ODAPH: variants seen among roughly 807,000 people sequenced by gnomAD.
ODAPH encodes amelogenesis imperfecta type IIA4.
In ODAPH, 2 loss-of-function variants were observed where a neutral mutation model predicts 2.8. The observed-to-expected ratio is 0.72, with a 90% CI of 0.30 to 2.28. The LOEUF (loss-of-function observed/expected upper bound fraction) is 2.28. Ranked by LOEUF, ODAPH falls within the 30% of genes most tolerant of loss-of-function variation. ODAPH has a pLI of 0.13. For synonymous variants in ODAPH, 75 were observed against 60.3 expected, an observed-to-expected ratio of 1.24 and a Z score of -1.13; for missense variants, 159 against 163.3, an observed-to-expected ratio of 0.97 and a Z score of 0.14.
rs1463810693 is a variant in ODAPH at position 75,564,310 on chromosome 4, AC to A, written c.266del (p.Pro89LeufsTer74). 1 of 1,613,984 alleles carries A rather than the reference AC, an allele frequency of 6.2e-7. No individual in the cohort carries two copies. The highest frequency in any genetic ancestry group is 1.3e-5 in the African/African-American group (1 of 74,868). On this transcript the variant is annotated frameshift_variant, in exon 2 of 2. Transcript: ENST00000311623. LOFTEE classifies it low-confidence loss of function (END_TRUNC). ...PRIHFRFPNR[P>X]FVPSRCNHRF... The stretch of plus-strand genomic sequence containing the variant: ...GAATCCATTTTAGGTTTCCAAACAG[AC>A]CTTTCGTCCCTTCAAGGTGTAACCA...
At chr4:75,560,103 A>C (rs1221931997) in intron 1 of ODAPH, among the ~76,000 whole-genome samples, 1 of 152,172 alleles carries the variant, frequency 6.6e-6, no homozygotes, top group African/African-American at 2.4e-5. Flanking sequence ...CTTTTGCCAA[A>C]GTGGTTTTTG....
downstream of ODAPH, chr4:75,565,803 T>C (rs1028272323): frequency 6.6e-6 from 1 of 151,944 alleles, no homozygotes; most frequent in African/African-American, 2.4e-5. Context: ...ACTTTGGGAA[T>C]GGTTGCCCTA....
intron 1 of ODAPH, among the ~76,000 whole-genome samples, chr4:75,561,894 C>G (rs924066466): frequency 6.6e-6 from 1 of 152,126 alleles, no homozygotes; most frequent in Non-Finnish European, 1.5e-5. Flanking sequence ...CAACATCACT[C>G]TGTTACCACA....
At chr4:75,556,626 C>T in intron 1 of ODAPH, 1 of 1,459,986 alleles carries the variant, frequency 6.8e-7, no homozygotes, top group Middle Eastern at 1.7e-4. Flanking sequence ...TTAATCACAT[C>T]TATTGAGCTG....
At chr4:75,563,931 T>A (rs1402152362) in intron 1 of ODAPH, among the ~76,000 whole-genome samples, 183 bp from the exon 2 acceptor site, 1 of 152,208 alleles carries the variant, frequency 6.6e-6, no homozygotes, top group Non-Finnish European at 1.5e-5. Flanking sequence ...TTCCCCACAG[T>A]GGCAATGCTG....
intron 1 of ODAPH, among the ~76,000 whole-genome samples, chr4:75,563,033 T>C (rs1031163203): frequency 1.9e-5 from 2 of 104,744 alleles, no homozygotes; most frequent in African/African-American, 7.4e-5. Context: ...TTTTTTTTTT[T>C]TTTTTTTTTG....
rs1727732502 is a variant in ODAPH at position 75,564,416 on chromosome 4, G to A, written c.370G>A (p.Gly124Arg). ...TTTCCCCAGAAGAAGACTCCAGAGAGGAAGCTCATCTGAGGAAAGCTGAGA... is the reference window on the plus strand; with the variant it reads ...TTTCCCCAGAAGAAGACTCCAGAGAAGAAGCTCATCTGAGGAAAGCTGAGA... Reference protein sequence around the residue: ...RYFPRRRLQRGSSSEES With the variant: ...RYFPRRRLQRRSSSEES Residue 124 changes from glycine (G) to arginine (R), a missense_variant, in exon 2 of 2, where the codon GGA becomes AGA. Coordinates refer to ENST00000311623, the MANE Select transcript of ODAPH (RefSeq NM_178497.5). The A allele has an allele frequency of 6.2e-7, 1 of 1,614,170 alleles. No homozygotes were observed. Among genetic ancestry groups the A allele is most frequent in the Non-Finnish European group, 8.5e-7 (1 of 1,180,032 alleles).
At chr4:75,563,933 G>T (rs1727701554) in intron 1 of ODAPH, among the ~76,000 whole-genome samples, 181 bp from the exon 2 acceptor site, 1 of 152,130 alleles carries the variant, frequency 6.6e-6, no homozygotes, top group South Asian at 2.1e-4. Context: ...CCCCACAGTG[G>T]CAATGCTGGG....
chr4:75,560,945 G>A (rs868661529), intron 1 of ODAPH, among the ~76,000 whole-genome samples: 3 of 152,180 alleles, frequency 2.0e-5, no homozygotes, highest in Non-Finnish European at 4.4e-5. Context: ...TTGGCCGGGC[G>A]TGGTGGCCAC....
At chr4:75,562,336 GTTC>G (rs1560561521) in intron 1 of ODAPH, among the ~76,000 whole-genome samples, 2 of 148,696 alleles carry the variant, frequency 1.3e-5, no homozygotes, top group African/African-American at 5.0e-5. Context: ...CCTGTGGGAA[GTTC>G]TTTTTTTTTT....
intron 1 of ODAPH, among the ~76,000 whole-genome samples, chr4:75,560,563 G>C (rs1474078531): frequency 2.0e-5 from 3 of 152,180 alleles, no homozygotes; most frequent in Non-Finnish European, 4.4e-5. Context: ...CGACCCGATA[G>C]GATCACCATA....
chr4:75,562,375 C>G (rs1378540596), intron 1 of ODAPH, among the ~76,000 whole-genome samples: 1 of 146,460 alleles, frequency 6.8e-6, no homozygotes, highest in African/African-American at 2.5e-5. Flanking sequence ...GTTTTGCTCT[C>G]GTTGCCCAGG....
At chr4:75,565,772 T>C (rs1727790194), downstream of ODAPH, 1 of 150,722 alleles carries the variant, frequency 6.6e-6, no homozygotes, top group Admixed American at 6.6e-5. Context: ...AAAAAAAAAA[T>C]CAGGATGAAG....
At position 75,562,582 on chromosome 4, in the gene ODAPH, C is replaced by T. The variant is rs185944470; in HGVS notation, c.68-1532C>T. ...CTCGAACTACTGACCTCAGGTGATC[C>T]GCCCACCTCGGCCTCCCAAAGTGCT... On this transcript the variant is annotated intron_variant, in intron 1 of 1. Transcript: ENST00000311623. Among the ~76,000 whole-genome samples, 280 of 152,198 alleles carry T rather than the reference C, an allele frequency of 1.8e-3. 1 individual carries two copies. The highest frequency in any genetic ancestry group is 6.1e-3 in the African/African-American group (254 of 41,520).
At chr4:75,558,947 C>T (rs760624531) in intron 1 of ODAPH, among the ~76,000 whole-genome samples, 8 of 152,198 alleles carry the variant, frequency 5.3e-5, no homozygotes, top group Non-Finnish European at 1.0e-4. Flanking sequence ...CTGCCTGGCT[C>T]AGCCTCCCAA....
At chr4:75,560,946 T>C (rs1487973480) in intron 1 of ODAPH, among the ~76,000 whole-genome samples, 1 of 152,094 alleles carries the variant, frequency 6.6e-6, no homozygotes, top group African/African-American at 2.4e-5. Flanking sequence ...TGGCCGGGCG[T>C]GGTGGCCACG....
chr4:75,558,121 C>G (rs1351061647), intron 1 of ODAPH, among the ~76,000 whole-genome samples: 1 of 152,172 alleles, frequency 6.6e-6, no homozygotes, highest in Non-Finnish European at 1.5e-5. Flanking sequence ...TAATCTTAAT[C>G]ATCTCTGCGT....
chr4:75,564,440 G>A lies in ODAPH; in HGVS notation c.*1G>A, dbSNP rs771966707. On this transcript the variant is annotated 3_prime_UTR_variant, in exon 2 of 2. Transcript: ENST00000311623. ...AGGAAGCTCATCTGAGGAAAGCTGA[G>A]AGGGAAGAGAAACCCAAACATACTG... 2.5e-6 allele frequency: 4 copies of A among 1,614,110 alleles called. No homozygotes were observed. Among genetic ancestry groups the A allele is most frequent in the East Asian group, 4.5e-5 (2 of 44,890 alleles).
chr4:75,561,813 C>A (rs1405646875), intron 1 of ODAPH, among the ~76,000 whole-genome samples: 1 of 152,182 alleles, frequency 6.6e-6, no homozygotes, highest in Non-Finnish European at 1.5e-5. Context: ...CACCACTGCA[C>A]TCAAGCCTGG....
Sources: allele counts gnomAD v4.1 joint callset (sites outside exome capture counted in the v4.1 genomes callset), GRCh38; gene constraint gnomAD v4.1.1; transcripts MANE v1.5; gene names NCBI Gene and HGNC (gene_info 2026-07-23, HGNC 2026-07-21).